ADSS2: variants seen among roughly 807,000 people sequenced by gnomAD.
ADSS2 encodes adenylosuccinate synthase 2.
A neutral mutation model predicts 60.0 loss-of-function variants in ADSS2; 30 were observed. The observed-to-expected ratio is 0.50, with a 90% confidence interval of 0.37 to 0.68. The LOEUF is 0.68. ADSS2 is among the 30% of genes least tolerant of loss of function. ADSS2 has a pLI of 0.00. For synonymous variants in ADSS2, 187 were observed against 193.1 expected, an observed-to-expected ratio of 0.97 and a Z score of 0.26; for missense variants, 373 against 554.8, an observed-to-expected ratio of 0.67 and a Z score of 3.29.
chr1:244,437,842 TTAA>T, intron 1 of ADSS2, 74 bp from the exon 2 acceptor site: 1 of 1,165,204 alleles, frequency 8.6e-7, no homozygotes, highest in Non-Finnish European at 1.3e-6. Context: ...CCAAAGTGAA[TTAA>T]TGACCTCCTG....
At chr1:244,442,242 T>TAC (rs71739056) in intron 1 of ADSS2, among the ~76,000 whole-genome samples, 1,769 of 149,144 alleles carry the variant, frequency 0.012, 14 homozygotes, top group African/African-American at 0.02. Context: ...ATGGTTGCTC[T>TAC]ACACACACAC....
At chr1:244,411,106 A>G (rs566739673) in intron 12 of ADSS2, among the ~76,000 whole-genome samples, 181 bp downstream of exon 12, 5 of 152,112 alleles carry the variant, frequency 3.3e-5, no homozygotes, top group Admixed American at 6.5e-5. Flanking sequence ...CTCTAATCCC[A>G]GCTACTCGGG....
chr1:244,432,660 C>CTTTTTTTTTT (rs532312490), intron 3 of ADSS2, 65 bp from the exon 4 acceptor site: 49 of 387,290 alleles, frequency 1.3e-4, no homozygotes, highest in African/African-American at 3.5e-4. Flanking sequence ...ATCTTAATTT[C>CTTTTTTTTTT]TTTTTTTTTT....
intron 3 of ADSS2, among the ~76,000 whole-genome samples, chr1:244,435,194 A>AAAAAAAAC (rs1553308065): frequency 2.3e-4 from 30 of 127,908 alleles, no homozygotes; most frequent in African/African-American, 9.6e-4. Context: ...AAAAAAAAAA[A>AAAAAAAAC]AAACAAACCT....
chr1:244,444,514 C>CAAAAAAAAAAAAAATAAAAAAAAAA (rs1665335196), intron 1 of ADSS2, among the ~76,000 whole-genome samples: 1 of 42,526 alleles, frequency 2.4e-5, no homozygotes, highest in African/African-American at 8.6e-5. Context: ...GACTCCATCT[C>CAAAAAAAAAAAAAATAAAAAAAAAA]AAAAAAAAAA....
At chr1:244,432,100 A>G (rs1269918208) in intron 4 of ADSS2, among the ~76,000 whole-genome samples, 2 of 152,208 alleles carry the variant, frequency 1.3e-5, no homozygotes, top group African/African-American at 4.8e-5. Context: ...AAAATCCCAA[A>G]TTTATTGGTA....
rs1488760194 is a variant in ADSS2, at chr1:244,409,530, T to TA, written c.*55dup. ...ATTTGCAGGTCATAAATGAAATATT[T>TA]AAGAAAGTCTTTTCCCCTCCCTCTC... On this transcript the variant is annotated 3_prime_UTR_variant, in exon 13 of 13. Coordinates refer to ENST00000366535, the MANE Select transcript of ADSS2 (RefSeq NM_001126.5). 2 of 1,358,800 alleles carry TA rather than the reference T, an allele frequency of 1.5e-6. No individual in the cohort carries two copies. The highest frequency in any genetic ancestry group is 2.1e-6 in the Non-Finnish European group (2 of 958,886). The allele number at this position is 1,358,800 out of a possible 1,614,324, so 84.2% of individuals were successfully genotyped here. A position where few individuals can be genotyped will look rare whatever the true frequency, so the allele number is the denominator to read the frequency against.
intron 7 of ADSS2, 114 bp from the exon 8 acceptor site, chr1:244,420,410 A>G (rs1664648158): frequency 2.2e-6 from 2 of 907,654 alleles, no homozygotes; most frequent in African/African-American, 3.3e-5. Context: ...CGCAAAGTAG[A>G]AAAGGGCTGG....
chr1:244,443,134 T>A (rs867295993), intron 1 of ADSS2, among the ~76,000 whole-genome samples: 1 of 152,192 alleles, frequency 6.6e-6, no homozygotes, highest in Non-Finnish European at 1.5e-5. Flanking sequence ...GGAGGCCAGA[T>A]AGTACCAAAC....
intron 1 of ADSS2, among the ~76,000 whole-genome samples, chr1:244,450,596 T>A (rs962850985): frequency 6.6e-6 from 1 of 152,232 alleles, no homozygotes; most frequent in African/African-American, 2.4e-5. Context: ...ACAAATATTC[T>A]TGCAACCTAA....
At position 244,432,557 on chromosome 1, in the gene ADSS2, T is replaced by C; in HGVS notation, c.394A>G (p.Arg132Gly). ...ATATCCACCTTACCAATATGAGCTC[T>C]GTCAGATATAATAAGCCTTTTTTCC... ...GWEKRLIISD[R>G]AHIVFDFHQA... The change falls in exon 4 of 13, where the codon AGA becomes GGA. Residue 132 changes from arginine to glycine, a missense_variant. Arg to Gly is a moderately radical substitution (Grantham distance 125, BLOSUM62 -2). Around this residue, in one of 5 missense-constraint regions of ADSS2, gnomAD observed 139 missense variants for 189.4 expected, o/e 0.73. Transcript: ENST00000366535. The C allele has an allele frequency of 6.4e-7, 1 of 1,566,688 alleles. No individual in the cohort carries two copies. Among genetic ancestry groups the C allele is most frequent in the Non-Finnish European group, 8.7e-7 (1 of 1,150,802 alleles).
intron 10 of ADSS2, 62 bp from the exon 11 acceptor site, chr1:244,416,140 T>C (rs1664526474): frequency 7.9e-6 from 9 of 1,133,928 alleles, no homozygotes; most frequent in Admixed American, 2.0e-5. Context: ...AATATCTAAT[T>C]TGATTAATGC....
At chr1:244,429,234 C>G (rs1317039799) in intron 4 of ADSS2, among the ~76,000 whole-genome samples, 1 of 152,182 alleles carries the variant, frequency 6.6e-6, no homozygotes, top group Non-Finnish European at 1.5e-5. Context: ...GATTTCGATC[C>G]AGATCCCTCC....
chr1:244,430,337 A>G (rs1043406253), intron 4 of ADSS2, among the ~76,000 whole-genome samples: 1 of 152,218 alleles, frequency 6.6e-6, no homozygotes, highest in Non-Finnish European at 1.5e-5. Context: ...GCAATGAAGA[A>G]GGAAGATGGA....
intron 4 of ADSS2, among the ~76,000 whole-genome samples, chr1:244,428,982 T>C (rs1045805478): frequency 2.6e-5 from 4 of 151,996 alleles, no homozygotes; most frequent in African/African-American, 9.6e-5. Context: ...TTCAGAAAAA[T>C]AGAAGGCACT....
Position 244,420,366 on chromosome 1 carries a change from AATT to A in ADSS2, c.664-73_664-71del, listed in dbSNP as rs908411756. On this transcript the variant is annotated intron_variant, in intron 7 of 12. Transcript: ENST00000366535. ...GTTTAACATAACCAGAACAAGAATAAATTACCTGACTTTATGACATGAAAACTG... is the reference window on the plus strand; with the variant it reads ...GTTTAACATAACCAGAACAAGAATAAACCTGACTTTATGACATGAAAACTG... The A allele has an allele frequency of 1.0e-5, 14 of 1,376,686 alleles. No homozygotes were observed. The Admixed American group carries it at 3.1e-4, about 30-fold the overall frequency. The allele number at this position is 1,376,686 out of a possible 1,614,324, so 85.3% of individuals were successfully genotyped here.
At chr1:244,422,620 C>T (rs959077785) in intron 7 of ADSS2, among the ~76,000 whole-genome samples, 3 of 152,194 alleles carry the variant, frequency 2.0e-5, no homozygotes, top group Admixed American at 1.3e-4. Flanking sequence ...GACATATGAT[C>T]TGGACTCTGT....
At chr1:244,420,026 C>T in intron 8 of ADSS2, 144 bp downstream of exon 8, 1 of 791,494 alleles carries the variant, frequency 1.3e-6, no homozygotes, top group Non-Finnish European at 1.9e-6. Context: ...AAAAGAGTGC[C>T]ACAAGATGAC....
At chr1:244,410,481 T>C (rs914438666) in intron 12 of ADSS2, among the ~76,000 whole-genome samples, 2 of 145,692 alleles carry the variant, frequency 1.4e-5, no homozygotes, top group East Asian at 2.0e-4. Flanking sequence ...CTTTAATAAA[T>C]AGGCTTAATT....
Sources: gnomAD v4.1 joint callset for allele counts (sites outside exome capture counted in the v4.1 genomes callset) on GRCh38, gnomAD v4.1.1 for gene constraint, gnomAD v4.1.1 regional missense constraint, MANE v1.5 for transcripts, NCBI Gene and HGNC (gene_info 2026-07-23, HGNC 2026-07-21) for gene names.